The following PRNP variants were observed in gnomAD, a reference collection of about 807,000 sequenced individuals.
PRNP encodes the protein major prion protein.
Under a neutral mutation model 21.3 loss-of-function variants are expected in PRNP, and 15 were observed. That is an observed-to-expected ratio of 0.71 (90% CI 0.47 to 1.09). PRNP has a LOEUF of 1.09. Among genes scored for constraint, PRNP ranks in the 50% least tolerant of loss-of-function variants. PRNP has a pLI of 0.00. For synonymous variants in PRNP, 121 were observed against 123.1 expected (o/e 0.98, Z 0.11); for missense variants, 285 against 340.9 (o/e 0.84, Z 1.29).
intron 1 of PRNP, among the ~76,000 whole-genome samples, chr20:4,696,129 A>T (rs1016473499): frequency 4.6e-5 from 7 of 151,978 alleles, no homozygotes; most frequent in Non-Finnish European, 1.0e-4. Flanking sequence ...CTTATTATTC[A>T]TGGACATTTT....
At chr20:4,692,455 A>G (rs1425385070) in intron 1 of PRNP, among the ~76,000 whole-genome samples, 2 of 152,222 alleles carry the variant, frequency 1.3e-5, no homozygotes, top group East Asian at 1.9e-4. Flanking sequence ...AATTTATAGA[A>G]CAACCTAATA....
At chr20:4,691,026 A>G (rs1372730876) in intron 1 of PRNP, among the ~76,000 whole-genome samples, 1 of 152,240 alleles carries the variant, frequency 6.6e-6, no homozygotes, top group Non-Finnish European at 1.5e-5. Flanking sequence ...CCAACAGTGA[A>G]CTATCAGGAA....
chr20:4,692,792 T>C (rs1921914080), intron 1 of PRNP, among the ~76,000 whole-genome samples: 1 of 152,176 alleles, frequency 6.6e-6, no homozygotes, highest in Non-Finnish European at 1.5e-5. Context: ...ACTGTTAAAA[T>C]AAGTTGGGTG....
Position 4,699,894 on chromosome 20 carries a change from A to G in PRNP, c.674A>G (p.Tyr225Cys), listed in dbSNP as rs748929962. The G allele has an allele frequency of 1.9e-6, 3 of 1,613,544 alleles. No homozygotes were observed. The highest frequency in any genetic ancestry group is 2.5e-6 in the Non-Finnish European group (3 of 1,179,922). Reference protein sequence around the residue: ...ITQYERESQAYYQRGSSMVLF... With the variant: ...ITQYERESQACYQRGSSMVLF... ...CAGTACGAGAGGGAATCTCAGGCCT[A>G]TTACCAGAGAGGATCGAGCATGGTC... Residue 225 changes from tyrosine to cysteine, a missense_variant, in exon 2 of 2, where the codon TAT becomes TGT. Physicochemically the swap from Tyr to Cys is radical, Grantham distance 194. Coordinates refer to ENST00000379440, the MANE Select transcript of PRNP (RefSeq NM_000311.5). This position sits in a 1 kb window ranked among gnomAD's most constrained non-coding sequence, Gnocchi z 5.8.
chr20:4,687,761 A>G (rs1330228741), intron 1 of PRNP, among the ~76,000 whole-genome samples: 1 of 152,224 alleles, frequency 6.6e-6, no homozygotes, highest in Non-Finnish European at 1.5e-5. Context: ...TTCTGAGAGC[A>G]TCACGGTTTA....
At chr20:4,694,874 T>C (rs1922069450) in intron 1 of PRNP, among the ~76,000 whole-genome samples, 1 of 152,124 alleles carries the variant, frequency 6.6e-6, no homozygotes, top group African/African-American at 2.4e-5. Context: ...TTTTTTTCAT[T>C]TTTATTATAT....
rs928095903 is a variant in PRNP at position 4,700,483 on chromosome 20, A to G, written c.*501A>G. The G allele has an allele frequency of 9.5e-6, 3 of 316,666 alleles. No individual in the cohort carries two copies. Among genetic ancestry groups the G allele is most frequent in the Admixed American group, 4.7e-5 (1 of 21,138 alleles). 19.6% of individuals were successfully genotyped at this position (316,666 alleles called of 1,614,324 possible). A position where few individuals can be genotyped will look rare whatever the true frequency, so the allele number is the denominator to read the frequency against. On this transcript the variant is annotated 3_prime_UTR_variant, in exon 2 of 2. Transcript: ENST00000379440. This position sits in a 1 kb window ranked among gnomAD's most constrained non-coding sequence, Gnocchi z 4.1. ...GGCCACATGATACTTATTCAAAAAA[A>G]TCCTAGAGATTCTTAGCTCTTGGGA...
intron 1 of PRNP, among the ~76,000 whole-genome samples, chr20:4,696,146 C>T (rs1922155193): frequency 6.6e-6 from 1 of 152,092 alleles, no homozygotes; most frequent in African/African-American, 2.4e-5. Flanking sequence ...TTTTCTTCCC[C>T]ATAGAAGTTT....
At chr20:4,694,929 T>C (rs1290381086) in intron 1 of PRNP, among the ~76,000 whole-genome samples, 2 of 152,136 alleles carry the variant, frequency 1.3e-5, no homozygotes, top group Admixed American at 1.3e-4. Flanking sequence ...TGGTTTTCTT[T>C]CTTAGGTAAA....
Position 4,697,780 on chromosome 20 carries a change from G to A in PRNP, c.-10-1431G>A, listed in dbSNP as rs560674559. Reference sequence around the variant, plus strand: ...AGCCAGGGGAGGAGCAGGGAGGCTGGTTGGGAGGCTGTTGAAGAAATCAGG... The same window carrying A: ...AGCCAGGGGAGGAGCAGGGAGGCTGATTGGGAGGCTGTTGAAGAAATCAGG... On this transcript the variant is annotated intron_variant, in intron 1 of 1. Coordinates refer to ENST00000379440, the MANE Select transcript of PRNP (RefSeq NM_000311.5). This position sits in a 1 kb window ranked among gnomAD's most constrained non-coding sequence, Gnocchi z 4.6. Among the ~76,000 whole-genome samples, 1 of 152,208 alleles carries A rather than the reference G, an allele frequency of 6.6e-6. No homozygotes were observed. The highest frequency in any genetic ancestry group is 6.5e-5 in the Admixed American group (1 of 15,294).
chr20:4,699,979 A>G lies in PRNP; in HGVS notation c.759A>G (p.Gly253=), dbSNP rs11538759. The change falls in exon 2 of 2, where the codon GGA becomes GGG. Residue 253 remains glycine (G), a synonymous_variant. Coordinates refer to ENST00000379440, the MANE Select transcript of PRNP (RefSeq NM_000311.5). The surrounding 1 kb of genome is among the most constrained non-coding windows in gnomAD (Gnocchi z 5.8). ...LISFLIFLIV[G] is the part of the protein sequence containing the mutation. The stretch of plus-strand genomic sequence containing the variant: ...CTTTCCTCATCTTCCTGATAGTGGG[A>G]TGAGGAAGGTCTTCCTGTTTTCACC... The G allele has an allele frequency of 6.2e-7, 1 of 1,608,240 alleles. No individual in the cohort carries two copies. Among genetic ancestry groups the G allele is most frequent in the African/African-American group, 1.3e-5 (1 of 74,866 alleles).
chr20:4,691,553 A>C (rs1350255264), intron 1 of PRNP, among the ~76,000 whole-genome samples: 1 of 152,176 alleles, frequency 6.6e-6, no homozygotes, highest in African/African-American at 2.4e-5. Flanking sequence ...TGTTACTGTG[A>C]TGTATCACAC....
intron 1 of PRNP, among the ~76,000 whole-genome samples, chr20:4,688,888 G>A (rs6116471): frequency 0.3 from 45,195 of 152,098 alleles, 6,962 homozygotes; most frequent in African/African-American, 0.36. Context: ...CTCACTAAGG[G>A]CGTTTAAAAA....
rs1460411981 is a variant in PRNP at position 4,686,550 on chromosome 20, G to A, written c.-11+38G>A. 1 of 151,910 alleles carries A rather than the reference G, an allele frequency of 6.6e-6. No individual in the cohort carries two copies. Among genetic ancestry groups the A allele is most frequent in the Non-Finnish European group, 1.5e-5 (1 of 67,944 alleles). 9.4% of individuals were successfully genotyped at this position (151,910 alleles called of 1,614,324 possible). ...GGTGGGAGGAACGCGGGCGGGGGCA[G>A]GGGAGCCGCGGGGGCCGAGTGAGGA... is the stretch of plus-strand genomic sequence containing the variant. On this transcript the variant is annotated intron_variant, in intron 1 of 1. Transcript: ENST00000379440. The surrounding 1 kb of genome is among the most constrained non-coding windows in gnomAD (Gnocchi z 6.7).
chr20:4,693,495 A>G (rs1206539581), intron 1 of PRNP, among the ~76,000 whole-genome samples: 1 of 152,020 alleles, frequency 6.6e-6, no homozygotes, highest in Non-Finnish European at 1.5e-5. Flanking sequence ...TTACTGTCCT[A>G]CTAAGACCCT....
Position 4,697,727 on chromosome 20 carries a change from G to T in PRNP, c.-10-1484G>T, listed in dbSNP as rs552006371. Among the ~76,000 whole-genome samples, 3 of 152,172 alleles carry T rather than the reference G, an allele frequency of 2.0e-5. No homozygotes were observed. The highest frequency in any genetic ancestry group is 4.4e-5 in the Non-Finnish European group (3 of 68,026). ...CAAGGGAAGTGGCATGATGTGACCC[G>T]CATATTAAGAGGAGAGCGCTCAATG... is the stretch of plus-strand genomic sequence containing the variant. On this transcript the variant is annotated intron_variant, in intron 1 of 1. Transcript: ENST00000379440. This position sits in a 1 kb window ranked among gnomAD's most constrained non-coding sequence, Gnocchi z 4.6.
intron 1 of PRNP, among the ~76,000 whole-genome samples, chr20:4,689,068 T>C (rs1921659840): frequency 6.6e-6 from 1 of 152,232 alleles, no homozygotes. Flanking sequence ...GTAATTTGTG[T>C]ATTGGGTTTT....
chr20:4,691,337 G>C (rs148833613), intron 1 of PRNP, among the ~76,000 whole-genome samples: 1 of 152,162 alleles, frequency 6.6e-6, no homozygotes, highest in Non-Finnish European at 1.5e-5. Context: ...TCTTTGTCTC[G>C]TTTCAGATCT....
rs773189236 is a variant in PRNP, at chr20:4,689,644, A to G, written c.-11+3132A>G. ...TTTTCAGATCTTATTTCTTCTTCCA[A>G]GGCAACTATATCCACTGTGAACTGC... On this transcript the variant is annotated intron_variant, in intron 1 of 1. Coordinates refer to ENST00000379440, the MANE Select transcript of PRNP (RefSeq NM_000311.5). 6.6e-5 allele frequency among the ~76,000 whole-genome samples: 10 copies of G among 152,298 alleles called. No individual in the cohort carries two copies. In the Middle Eastern group the frequency reaches 0.014, roughly 207 times the overall value.
Sources: gnomAD v4.1 joint callset for allele counts (sites outside exome capture counted in the v4.1 genomes callset) on GRCh38, gnomAD v4.1.1 for gene constraint, Gnocchi (gnomAD v3.1) non-coding constraint, MANE v1.5 for transcripts, NCBI Gene and HGNC (gene_info 2026-07-23, HGNC 2026-07-21) for gene names.